FHIP1A: variants seen among roughly 807,000 people sequenced by gnomAD.
The protein encoded by FHIP1A is FHF complex subunit HOOK-interacting protein 1A.
FHIP1A carries 61 observed loss-of-function variants against 88.6 expected under a neutral mutation model. The observed-to-expected ratio is 0.69, with a 90% CI of 0.56 to 0.85. The LOEUF is 0.85. FHIP1A is among the 40% of genes least tolerant of loss of function. The pLI is 0.00. For synonymous variants in FHIP1A, 478 were observed against 496.0 expected (o/e 0.96, Z 0.48); for missense variants, 1,154 against 1,273.5 (o/e 0.91, Z 1.43).
At chr4:151,568,639 A>T (rs1408674011) in intron 4 of FHIP1A, among the ~76,000 whole-genome samples, 1 of 152,192 alleles carries the variant, frequency 6.6e-6, no homozygotes, top group Non-Finnish European at 1.5e-5. Context: ...TCTGGGCTTT[A>T]AAAAATGTAT....
chr4:151,474,410 T>TA (rs957690433), intron 2 of FHIP1A, among the ~76,000 whole-genome samples: 6 of 152,074 alleles, frequency 3.9e-5, no homozygotes, highest in African/African-American at 1.2e-4. Flanking sequence ...GATTAAATTA[T>TA]AAAAAAAATA....
intron 8 of FHIP1A, among the ~76,000 whole-genome samples, chr4:151,631,711 G>A (rs1736164847): frequency 6.6e-6 from 1 of 152,118 alleles, no homozygotes; most frequent in South Asian, 2.1e-4. Context: ...ATATTGAAGT[G>A]TGCAGGAAAA....
chr4:151,662,477 T>C, intron 13 of FHIP1A, 24 bp from the exon 14 acceptor site: 1 of 1,503,536 alleles, frequency 6.7e-7, no homozygotes, highest in Non-Finnish European at 8.9e-7. Context: ...AGGGACACCA[T>C]GATGGTTTTC....
chr4:151,546,551 A>G (rs1732511463), intron 3 of FHIP1A, among the ~76,000 whole-genome samples: 1 of 152,220 alleles, frequency 6.6e-6, no homozygotes. Flanking sequence ...GCAGTGAACA[A>G]AATGTAGACC....
chr4:151,653,540 G>T (rs1342157016), intron 11 of FHIP1A, among the ~76,000 whole-genome samples: 1 of 152,140 alleles, frequency 6.6e-6, no homozygotes, highest in Admixed American at 6.5e-5. Flanking sequence ...ACTTCCTAGG[G>T]TTGTTTTGAA....
chr4:151,436,465 A>G (rs374628499), intron 1 of FHIP1A: 78 of 152,268 alleles, frequency 5.1e-4, no homozygotes, highest in African/African-American at 1.8e-3. Flanking sequence ...TAAGCTGAAC[A>G]TCTACAACAC....
chr4:151,557,574 G>A (rs906551626), intron 3 of FHIP1A, among the ~76,000 whole-genome samples: 3 of 151,730 alleles, frequency 2.0e-5, no homozygotes. Flanking sequence ...AGCAGAATAT[G>A]GGAGAGTTGT....
chr4:151,497,975 T>C (rs557304603), intron 3 of FHIP1A, among the ~76,000 whole-genome samples: 1 of 152,202 alleles, frequency 6.6e-6, no homozygotes, highest in Non-Finnish European at 1.5e-5. Flanking sequence ...CTGGCCTGCT[T>C]TCAGCAAGAA....
chr4:151,456,497 C>T (rs558105938), intron 2 of FHIP1A, among the ~76,000 whole-genome samples: 2 of 152,104 alleles, frequency 1.3e-5, no homozygotes, highest in Admixed American at 6.6e-5. Flanking sequence ...GAGCTACTTT[C>T]TGCACATTTA....
intron 1 of FHIP1A, among the ~76,000 whole-genome samples, chr4:151,412,206 G>A (rs984143111): frequency 2.0e-5 from 3 of 151,986 alleles, no homozygotes; most frequent in South Asian, 4.2e-4. Context: ...CAGTTCCAGC[G>A]ATTCTCCTAC....
chr4:151,437,443 T>G (rs1026096021), intron 1 of FHIP1A, among the ~76,000 whole-genome samples: 10 of 152,118 alleles, frequency 6.6e-5, no homozygotes, highest in Non-Finnish European at 1.2e-4. Context: ...ACCTGGGATC[T>G]CCCACCATTG....
At chr4:151,527,930 C>G (rs1292873256) in intron 3 of FHIP1A, among the ~76,000 whole-genome samples, 1 of 152,120 alleles carries the variant, frequency 6.6e-6, no homozygotes, top group Non-Finnish European at 1.5e-5. Context: ...TATTGCCACT[C>G]AATGCCAGGA....
chr4:151,536,624 G>C (rs749746938), intron 3 of FHIP1A, among the ~76,000 whole-genome samples: 5 of 152,156 alleles, frequency 3.3e-5, no homozygotes, highest in Non-Finnish European at 5.9e-5. Context: ...TCAAGCTGTT[G>C]TTGGTATCAA....
chr4:151,628,186 G>A (rs149585181), intron 7 of FHIP1A, among the ~76,000 whole-genome samples: 1 of 152,278 alleles, frequency 6.6e-6, no homozygotes, highest in African/African-American at 2.4e-5. Context: ...CACCGAGCTA[G>A]GGGAAGGGGA....
chr4:151,480,742 T>C (rs1405568684), intron 2 of FHIP1A, among the ~76,000 whole-genome samples: 1 of 152,056 alleles, frequency 6.6e-6, no homozygotes, highest in Admixed American at 6.6e-5. Context: ...CAAAACGTTA[T>C]CCTTTACTTT....
intron 3 of FHIP1A, among the ~76,000 whole-genome samples, chr4:151,543,639 ATAAT>A (rs1732380384): frequency 6.6e-6 from 1 of 152,220 alleles, no homozygotes; most frequent in Non-Finnish European, 1.5e-5. Context: ...CACATTATAC[ATAAT>A]TATTATCATA....
intron 3 of FHIP1A, among the ~76,000 whole-genome samples, chr4:151,505,289 A>G (rs975968873): frequency 6.6e-6 from 1 of 152,188 alleles, no homozygotes; most frequent in Non-Finnish European, 1.5e-5. Flanking sequence ...TTTCGTGATG[A>G]TGAATAGAAG....
intron 2 of FHIP1A, among the ~76,000 whole-genome samples, chr4:151,464,085 G>A (rs939628478): frequency 3.9e-5 from 6 of 152,016 alleles, no homozygotes; most frequent in East Asian, 1.9e-4. Flanking sequence ...GGGTCTCACA[G>A]TGTTGCCCAG....
chr4:151,568,807 A>G (rs1187537313), intron 4 of FHIP1A, among the ~76,000 whole-genome samples: 1 of 152,178 alleles, frequency 6.6e-6, no homozygotes, highest in African/African-American at 2.4e-5. Context: ...GAAGGTTTTG[A>G]TGACAGACAG....
Sources: gnomAD v4.1 joint callset for allele counts (sites outside exome capture counted in the v4.1 genomes callset) on GRCh38, gnomAD v4.1.1 for gene constraint, MANE v1.5 for transcripts, NCBI Gene and HGNC (gene_info 2026-07-23, HGNC 2026-07-21) for gene names.